DLG2: variants seen among roughly 807,000 people sequenced by gnomAD.
The protein encoded by DLG2 is discs large MAGUK scaffold protein 2.
Under a neutral mutation model 132.5 loss-of-function variants are expected in DLG2, and 45 were observed. The observed-to-expected ratio is 0.34, with a 90% CI of 0.27 to 0.44. The LOEUF (loss-of-function observed/expected upper bound fraction) is 0.44. DLG2 is among the 20% of genes least tolerant of loss of function. The pLI is 1.00. For missense variants in DLG2, 1,045 were observed against 1,196.9 expected (o/e 0.87, Z 1.87); for synonymous variants, 424 against 419.6 (o/e 1.01, Z -0.13).
intron 7 of DLG2, among the ~76,000 whole-genome samples, chr11:84,321,471 T>C (rs1327361072): frequency 6.6e-6 from 1 of 152,200 alleles, no homozygotes; most frequent in Non-Finnish European, 1.5e-5. Flanking sequence ...TCTTTAATCA[T>C]GACCCATGTG....
intron 10 of DLG2, among the ~76,000 whole-genome samples, chr11:84,072,353 T>G (rs1420232998): frequency 2.0e-5 from 3 of 152,238 alleles, no homozygotes. Flanking sequence ...CCGGGTTGTC[T>G]GTTAAGTACC....
chr11:84,112,528 A>T (rs867676278), intron 9 of DLG2, among the ~76,000 whole-genome samples: 3 of 143,060 alleles, frequency 2.1e-5, no homozygotes, highest in African/African-American at 7.9e-5. Context: ...AACCATGAGA[A>T]TTTTTTTTTT....
chr11:84,622,722 T>C (rs1185476148), intron 6 of DLG2, among the ~76,000 whole-genome samples: 1 of 152,052 alleles, frequency 6.6e-6, no homozygotes, highest in African/African-American at 2.4e-5. Flanking sequence ...AAGAAAACAT[T>C]AGACATGGTC....
At chr11:85,229,818 A>G (rs2156852) in intron 4 of DLG2, among the ~76,000 whole-genome samples, 131,398 of 152,068 alleles carry the variant, frequency 0.86, 57,252 homozygotes, top group Non-Finnish European at 0.93. Flanking sequence ...CCATAAAAAG[A>G]ATGAGTTTAT....
At chr11:85,124,818 T>G (rs118153856) in intron 5 of DLG2, among the ~76,000 whole-genome samples, 2,951 of 149,146 alleles carry the variant, frequency 0.02, 52 homozygotes, top group Admixed American at 0.043. Context: ...TTTTTTAAAG[T>G]TTTGAGCACA....
intron 7 of DLG2, among the ~76,000 whole-genome samples, chr11:84,518,395 C>CAGTTAATATAA (rs1377904500): frequency 3.3e-5 from 5 of 152,024 alleles, no homozygotes; most frequent in Non-Finnish European, 7.4e-5. Context: ...TGTTCATAGA[C>CAGTTAATATAA]AGTTAATATA....
At chr11:83,922,104 C>T (rs12283751) in intron 15 of DLG2, among the ~76,000 whole-genome samples, 15,400 of 152,086 alleles carry the variant, frequency 0.1, 990 homozygotes, top group Middle Eastern at 0.22. Flanking sequence ...GTTAACTGTG[C>T]TTTTAAAACA....
At chr11:84,490,745 A>C (rs1045879387) in intron 7 of DLG2, among the ~76,000 whole-genome samples, 1 of 151,976 alleles carries the variant, frequency 6.6e-6, no homozygotes, top group African/African-American at 2.4e-5. Flanking sequence ...TAAGAAACAT[A>C]TGAACCTATG....
chr11:85,470,210 T>A (rs1182652730), intron 3 of DLG2, among the ~76,000 whole-genome samples: 1 of 149,824 alleles, frequency 6.7e-6, no homozygotes, highest in Admixed American at 6.6e-5. Flanking sequence ...TTAATCTACT[T>A]GGTTTTTTTT....
intron 6 of DLG2, among the ~76,000 whole-genome samples, chr11:84,703,887 CG>C: frequency 8.7e-6 from 1 of 114,722 alleles, no homozygotes; most frequent in African/African-American, 3.6e-5. Context: ...TATATATACA[CG>C]TGTGTGTGTG....
intron 7 of DLG2, among the ~76,000 whole-genome samples, chr11:84,401,066 C>T (rs138689152): frequency 7.9e-5 from 12 of 152,226 alleles, no homozygotes; most frequent in South Asian, 2.1e-4. Flanking sequence ...ATAGCCCTAT[C>T]GGGTTAGTAT....
chr11:84,833,261 A>C (rs1351935941), intron 6 of DLG2, among the ~76,000 whole-genome samples: 1 of 151,606 alleles, frequency 6.6e-6, no homozygotes, highest in African/African-American at 2.4e-5. Flanking sequence ...TACTGAGCTA[A>C]TAAATTCACA....
intron 6 of DLG2, chr11:84,800,783 C>A (rs2075272928): frequency 6.6e-6 from 1 of 152,120 alleles, no homozygotes; most frequent in Admixed American, 6.5e-5. Flanking sequence ...TTAGATTTGA[C>A]AAACGGATTT....
At chr11:83,911,907 T>G (rs2076133331) in intron 15 of DLG2, among the ~76,000 whole-genome samples, 1 of 152,100 alleles carries the variant, frequency 6.6e-6, no homozygotes, top group Non-Finnish European at 1.5e-5. Context: ...TTTCCTTATT[T>G]TGGTGTTTTG....
chr11:84,767,222 C>T lies in DLG2; in HGVS notation c.358-232491G>A, dbSNP rs954246150. ...TAATCATTTTATATATGCAAGTTAA[C>T]TGTATCTTATATTAGAATACTGGTA... On this transcript the variant is annotated intron_variant, in intron 6 of 27. Transcript: ENST00000376104. Among the ~76,000 whole-genome samples the T allele has an allele frequency of 5.3e-5, 8 of 152,040 alleles. 1 individual carries two copies. The highest frequency in any genetic ancestry group is 3.3e-4 in the Admixed American group (5 of 15,260).
At chr11:85,486,454 C>A (rs1488638127) in intron 3 of DLG2, among the ~76,000 whole-genome samples, 1 of 152,154 alleles carries the variant, frequency 6.6e-6, no homozygotes, top group Non-Finnish European at 1.5e-5. Context: ...TACCAGGGAG[C>A]CTGTGAACAA....
chr11:84,668,899 G>C (rs1432712199), intron 6 of DLG2, among the ~76,000 whole-genome samples: 1 of 152,098 alleles, frequency 6.6e-6, no homozygotes, highest in African/African-American at 2.4e-5. Flanking sequence ...AAAAATATTT[G>C]AGCATCCACA....
At chr11:85,067,210 T>C (rs1305127021) in intron 6 of DLG2, among the ~76,000 whole-genome samples, 1 of 151,916 alleles carries the variant, frequency 6.6e-6, no homozygotes, top group African/African-American at 2.4e-5. Flanking sequence ...TCATTTTTTA[T>C]TGCGTCTATT....
At position 85,032,464 on chromosome 11, in the gene DLG2, A is replaced by T. The variant is rs187513256; in HGVS notation, c.357+79197T>A. Among the ~76,000 whole-genome samples, 420 of 152,324 alleles carry T rather than the reference A, an allele frequency of 2.8e-3. 1 individual carries two copies. Among genetic ancestry groups the T allele is most frequent in the Non-Finnish European group, 1.9e-3 (129 of 68,032 alleles). On this transcript the variant is annotated intron_variant, in intron 6 of 27. Coordinates refer to ENST00000376104, the MANE Select transcript of DLG2 (RefSeq NM_001142699.3). ...TGAATATATGGCAAATAACAATGTAATTTTAAAGCAATCTTTAATGAGTCT... is the reference window on the plus strand; with the variant it reads ...TGAATATATGGCAAATAACAATGTATTTTTAAAGCAATCTTTAATGAGTCT...
Sources: gnomAD v4.1 joint callset for allele counts (sites outside exome capture counted in the v4.1 genomes callset) on GRCh38, gnomAD v4.1.1 for gene constraint, MANE v1.5 for transcripts, NCBI Gene and HGNC (gene_info 2026-07-23, HGNC 2026-07-21) for gene names.